Variants in ODF2 observed in about 807,000 individuals in gnomAD.
ODF2 encodes outer dense fiber of sperm tails 2.
ODF2 carries 47 observed loss-of-function variants against 110.2 expected under a neutral mutation model. That is an observed-to-expected ratio of 0.43 (90% CI 0.34 to 0.54). The LOEUF is 0.54. ODF2 is among the 20% of genes least tolerant of loss of function. ODF2 has a pLI of 0.03. For synonymous variants in ODF2, 352 were observed against 397.7 expected (o/e 0.89, Z 1.37); for missense variants, 812 against 1,054.5 (o/e 0.77, Z 3.19).
At chr9:128,488,046 A>G in intron 14 of ODF2, 21 bp downstream of exon 14, 1 of 1,612,976 alleles carries the variant, frequency 6.2e-7, no homozygotes. Flanking sequence ...AGAGCTGGGG[A>G]CCAGGCAGCT....
chr9:128,462,892 T>G (rs897429282), intron 4 of ODF2, among the ~76,000 whole-genome samples: 1 of 152,190 alleles, frequency 6.6e-6, no homozygotes, highest in Non-Finnish European at 1.5e-5. Context: ...TTTTGTAGAT[T>G]TTTTGCTGTA....
rs764801801 is a variant in ODF2 at position 128,481,529 on chromosome 9, T to C, written c.844-51T>C. 5 of 1,358,656 alleles carry C rather than the reference T, an allele frequency of 3.7e-6. No individual in the cohort carries two copies. In the South Asian group the frequency reaches 4.9e-5, roughly 13 times the overall value. 84.2% of individuals were successfully genotyped at this position (1,358,656 alleles called of 1,614,324 possible). ...GTAAAGAATCAATAAAATGTAGACATCTGGGTTTATTGCTTAATGACTTGA... is the reference window on the plus strand; with the variant it reads ...GTAAAGAATCAATAAAATGTAGACACCTGGGTTTATTGCTTAATGACTTGA... On this transcript the variant is annotated intron_variant, in intron 8 of 20. Transcript: ENST00000604420.
intron 8 of ODF2, among the ~76,000 whole-genome samples, chr9:128,476,359 C>G (rs1348705880): frequency 1.3e-5 from 2 of 152,132 alleles, no homozygotes; most frequent in Non-Finnish European, 2.9e-5. Flanking sequence ...ACAGTCTTGG[C>G]TCACTGTAAC....
rs892363373 is a variant in ODF2 at position 128,456,341 on chromosome 9, C to T, written c.-209+86C>T. On this transcript the variant is annotated intron_variant, in intron 1 of 20. Transcript: ENST00000604420. ...GCCTTCGCACCCCCGGCGCGGTCGA[C>T]CCCGCGGGGCCGTCGGGTCCTGGGT... 1.8e-5 allele frequency: 26 copies of T among 1,438,820 alleles called. No homozygotes were observed. In the African/African-American group the frequency reaches 3.0e-4, roughly 17 times the overall value. 89.1% of individuals were successfully genotyped at this position (1,438,820 alleles called of 1,614,324 possible).
intron 1 of ODF2, chr9:128,456,956 G>A: frequency 8.1e-7 from 1 of 1,237,402 alleles, no homozygotes; most frequent in African/African-American, 1.6e-5. Flanking sequence ...CCCCGCCCCA[G>A]CATCCCCGCG....
At chr9:128,455,232 T>A, upstream of ODF2, 1 of 1,535,330 alleles carries the variant, frequency 6.5e-7, no homozygotes, top group Non-Finnish European at 8.7e-7. Context: ...AGAATAGGTC[T>A]GTACACAGAG....
At position 128,473,946 on chromosome 9, in the gene ODF2, C is replaced by T. The variant is rs1202303784; in HGVS notation, c.843+205C>T. Among the ~76,000 whole-genome samples, 5 of 152,070 alleles carry T rather than the reference C, an allele frequency of 3.3e-5. No individual in the cohort carries two copies. The East Asian group carries it at 5.8e-4, about 18-fold the overall frequency. Reference sequence around the variant, plus strand: ...CCGTTGAATCCAAGCCAGGCAGCACCGGAACAACCTTGAAAGTCAGGAGAG... The same window carrying T: ...CCGTTGAATCCAAGCCAGGCAGCACTGGAACAACCTTGAAAGTCAGGAGAG... On this transcript the variant is annotated intron_variant, in intron 8 of 20. Coordinates refer to ENST00000604420, the Ensembl canonical transcript of ODF2.
chr9:128,496,728 A>G (rs898118399), intron 18 of ODF2, among the ~76,000 whole-genome samples: 1 of 151,968 alleles, frequency 6.6e-6, no homozygotes, highest in Non-Finnish European at 1.5e-5. Flanking sequence ...CTATCTATCT[A>G]TCTATCTATC....
rs1455925748 is a variant in ODF2 at position 128,494,990 on chromosome 9, C to T, written c.1911+322C>T. ...CTCCACACCCACAGCTGGGAGATGC[C>T]AGCAGACACCGAGCCGTAGAATTTC... On this transcript the variant is annotated intron_variant, in intron 17 of 20. Transcript: ENST00000604420. The surrounding 1 kb of genome is among the most constrained non-coding windows in gnomAD (Gnocchi z 4.6). The T allele has an allele frequency of 2.3e-5, 5 of 218,280 alleles. No homozygotes were observed. The highest frequency in any genetic ancestry group is 1.2e-4 in the African/African-American group (5 of 42,644). 13.5% of individuals were successfully genotyped at this position (218,280 alleles called of 1,614,324 possible). A position where few individuals can be genotyped will look rare whatever the true frequency, so the allele number is the denominator to read the frequency against.
chr9:128,480,748 C>G (rs1450143406), intron 8 of ODF2, among the ~76,000 whole-genome samples: 1 of 152,030 alleles, frequency 6.6e-6, no homozygotes, highest in African/African-American at 2.4e-5. Context: ...ACCTGGGAGG[C>G]AGAGGTTGCA....
At chr9:128,492,322 A>G (rs1844770391) in intron 14 of ODF2, 104 bp from the exon 15 acceptor site, 1 of 775,718 alleles carries the variant, frequency 1.3e-6, no homozygotes, top group East Asian at 2.6e-5. Context: ...TGTGGGTTAG[A>G]GTAGGGGGCC....
intron 2 of ODF2, among the ~76,000 whole-genome samples, chr9:128,457,753 G>A (rs986254133): frequency 6.6e-6 from 1 of 152,042 alleles, no homozygotes; most frequent in Non-Finnish European, 1.5e-5. Flanking sequence ...TAAATAACAC[G>A]TAGGAGGTGG....
intron 16 of ODF2, among the ~76,000 whole-genome samples, chr9:128,493,701 A>C (rs1442655612): frequency 6.6e-6 from 1 of 152,234 alleles, no homozygotes; most frequent in Non-Finnish European, 1.5e-5. Context: ...CGTGTTAAGT[A>C]CAAGGATGGA....
rs902595662 is a variant in ODF2 at position 128,473,048 on chromosome 9, T to G, written c.711+6T>G. The G allele has an allele frequency of 1.2e-6, 2 of 1,613,462 alleles. No homozygotes were observed. Among genetic ancestry groups the G allele is most frequent in the Admixed American group, 3.3e-5 (2 of 59,972 alleles). On this transcript the variant is annotated splice_donor_region_variant and intron_variant, in intron 7 of 20. Coordinates refer to ENST00000604420, the Ensembl canonical transcript of ODF2. ...CCATCGGGAAGCTGAAAACAGTAGG[T>G]GGCAGGTGGCAGGACCCCAGCCATG...
Position 128,485,281 on chromosome 9 carries a change from C to A in ODF2, c.1291-84C>A. ...AGGTTTAGGTTACCAGGGTGAGAAA[C>A]CACCTAGGATGAGCCCGCTCCCAGC... On this transcript the variant is annotated intron_variant, in intron 12 of 20. Transcript: ENST00000604420. The surrounding 1 kb of genome is among the most constrained non-coding windows in gnomAD (Gnocchi z 5.0). 1.4e-6 allele frequency: 1 copy of A among 726,138 alleles called. No homozygotes were observed. The highest frequency in any genetic ancestry group is 2.4e-6 in the Non-Finnish European group (1 of 418,590). 45.0% of individuals were successfully genotyped at this position (726,138 alleles called of 1,614,324 possible). A position where few individuals can be genotyped will look rare whatever the true frequency, so the allele number is the denominator to read the frequency against.
chr9:128,490,287 A>ATT (rs879656530), intron 14 of ODF2, among the ~76,000 whole-genome samples: 1 of 146,398 alleles, frequency 6.8e-6, no homozygotes. Flanking sequence ...TCCTAGTCTA[A>ATT]TTTTTTTTTT....
exon 7 of ODF2, chr9:128,472,929 C>T (rs772317190): frequency 6.2e-7 from 1 of 1,613,930 alleles, no homozygotes; most frequent in East Asian, 2.2e-5. Context: ...GAAGAAACAC[C>T]TACAACAGGA....
intron 10 of ODF2, among the ~76,000 whole-genome samples, chr9:128,483,184 C>T (rs914227850): frequency 5.3e-5 from 8 of 152,206 alleles, no homozygotes; most frequent in Non-Finnish European, 1.0e-4. Flanking sequence ...TGAGCCACTG[C>T]GCCCAGCCGC....
At chr9:128,457,036 C>G in intron 1 of ODF2, 1 of 1,284,804 alleles carries the variant, frequency 7.8e-7, no homozygotes, top group Non-Finnish European at 1.0e-6. Flanking sequence ...CCTCTCCGCA[C>G]GTCCGCCGGC....
Sources: allele counts gnomAD v4.1 joint callset (sites outside exome capture counted in the v4.1 genomes callset), GRCh38; gene constraint gnomAD v4.1.1; non-coding constraint Gnocchi (gnomAD v3.1); transcripts MANE v1.5; gene names NCBI Gene and HGNC (gene_info 2026-07-23, HGNC 2026-07-21).